Variants in MYO3B observed in about 807,000 individuals in gnomAD.
MYO3B encodes the protein myosin IIIB.
Under a neutral mutation model 174.6 loss-of-function variants are expected in MYO3B, and 156 were observed. The ratio of observed to expected loss-of-function variants is 0.89; its 90% CI spans 0.78 to 1.02. The LOEUF (loss-of-function observed/expected upper bound fraction) is 1.02. Ranked by LOEUF, MYO3B falls within the 50% of genes least tolerant of loss-of-function variation. The pLI is 0.00. For synonymous variants in MYO3B, 563 were observed against 569.1 expected, an observed-to-expected ratio of 0.99 and a Z score of 0.15; for missense variants, 1,632 against 1,639.4, an observed-to-expected ratio of 1.00 and a Z score of 0.08.
In MYO3B at chr2:170,383,793, G is replaced by T. The variant is rs1322878799; in HGVS notation, c.1269G>T (p.Met423Ile). The change falls in exon 12 of 35, where the codon ATG (methionine) becomes ATT (isoleucine). Residue 423 changes from methionine to isoleucine, a missense_variant. Physicochemically the swap from Met to Ile is conservative, Grantham distance 10 (BLOSUM62 1). Coordinates refer to ENST00000408978, the MANE Select transcript of MYO3B (RefSeq NM_138995.5). ...CAGCAGATGCTGCTTACCAGTGCATGGTTACTCTCAGCAAAGACCAGGTAA... is the reference window on the plus strand; with the variant it reads ...CAGCAGATGCTGCTTACCAGTGCATTGTTACTCTCAGCAAAGACCAGGTAA... ...FASADAAYQC[M>I]VTLSKDQCIV... The T allele has an allele frequency of 6.2e-7, 1 of 1,613,540 alleles. No homozygotes were observed.
At chr2:170,254,883 C>T (rs578100329) in intron 7 of MYO3B, among the ~76,000 whole-genome samples, 5 of 152,320 alleles carry the variant, frequency 3.3e-5, no homozygotes, top group Non-Finnish European at 5.9e-5. Context: ...CACCTGGAAT[C>T]GTGCAGCAAT....
At chr2:170,288,249 A>G (rs1325139659) in intron 7 of MYO3B, among the ~76,000 whole-genome samples, 1 of 144,952 alleles carries the variant, frequency 6.9e-6, no homozygotes, top group Non-Finnish European at 1.5e-5. Context: ...TTTTTTTTCT[A>G]TTTCTGTGAA....
intron 28 of MYO3B, among the ~76,000 whole-genome samples, chr2:170,505,705 TG>T (rs1266346188): frequency 6.6e-6 from 1 of 152,238 alleles, no homozygotes; most frequent in African/African-American, 2.4e-5. Context: ...ATTCAGGATA[TG>T]TGTTTTAGAT....
chr2:170,396,699 G>A (rs78228990), intron 16 of MYO3B, among the ~76,000 whole-genome samples: 4,086 of 152,172 alleles, frequency 0.027, 197 homozygotes, highest in African/African-American at 0.091. Flanking sequence ...GAGAAGCAAC[G>A]GGGCAAGATG....
intron 8 of MYO3B, among the ~76,000 whole-genome samples, chr2:170,338,455 C>T (rs949769831): frequency 2.0e-5 from 3 of 152,112 alleles, no homozygotes; most frequent in African/African-American, 7.2e-5. Flanking sequence ...GCCCTCCAAT[C>T]CTGTTTTCCC....
chr2:170,214,528 T>G lies in MYO3B; in HGVS notation c.426+45T>G, dbSNP rs369325647. 7.4e-5 allele frequency: 117 copies of G among 1,573,266 alleles called. 1 individual carries two copies. The African/African-American group carries it at 1.4e-3, about 19-fold the overall frequency. Reference sequence around the variant, plus strand: ...GGGGTATGACAGCAGATGGGATGGTTTGTTCATTGCTTGGGTCCTTATTGC... The same window carrying G: ...GGGGTATGACAGCAGATGGGATGGTGTGTTCATTGCTTGGGTCCTTATTGC... On this transcript the variant is annotated intron_variant, in intron 4 of 34. Coordinates refer to ENST00000408978, the MANE Select transcript of MYO3B (RefSeq NM_138995.5).
At chr2:170,557,789 A>G (rs1004176632) in intron 32 of MYO3B, among the ~76,000 whole-genome samples, 2 of 152,156 alleles carry the variant, frequency 1.3e-5, no homozygotes, top group Non-Finnish European at 2.9e-5. Context: ...GGTTCAGATA[A>G]GCTTACTCCA....
chr2:170,625,803 C>T (rs1170782718), intron 32 of MYO3B, among the ~76,000 whole-genome samples: 2 of 152,180 alleles, frequency 1.3e-5, no homozygotes, highest in African/African-American at 2.4e-5. Context: ...GCCTTCATTT[C>T]GTTATGTACC....
chr2:170,617,424 T>C (rs909054313), intron 32 of MYO3B, among the ~76,000 whole-genome samples: 4 of 152,240 alleles, frequency 2.6e-5, no homozygotes, highest in African/African-American at 9.6e-5. Context: ...TTTGAACTAA[T>C]ATGCAACTTT....
chr2:170,580,498 T>A lies in MYO3B; in HGVS notation c.3733+36510T>A, dbSNP rs191014422. ...ACTAAAAATACAAAAATCAGCTGGG[T>A]GTGGTGGCACATGCCTGTAATCCCA... On this transcript the variant is annotated intron_variant, in intron 32 of 34. Coordinates refer to ENST00000408978, the MANE Select transcript of MYO3B (RefSeq NM_138995.5). Among the ~76,000 whole-genome samples the A allele has an allele frequency of 1.2e-3, 179 of 152,022 alleles. 1 individual carries two copies. Among genetic ancestry groups the A allele is most frequent in the African/African-American group, 4.1e-3 (172 of 41,466 alleles).
chr2:170,362,525 G>C (rs1479860075), intron 8 of MYO3B, among the ~76,000 whole-genome samples: 1 of 152,202 alleles, frequency 6.6e-6, no homozygotes, highest in Non-Finnish European at 1.5e-5. Flanking sequence ...ATTTCAAAGG[G>C]AGACTCAGCT....
intron 32 of MYO3B, among the ~76,000 whole-genome samples, chr2:170,614,654 A>G (rs759307400): frequency 2.0e-5 from 3 of 152,166 alleles, no homozygotes; most frequent in Non-Finnish European, 4.4e-5. Flanking sequence ...CTGAGATCCC[A>G]TATTTCTGAC....
At chr2:170,356,173 G>C (rs575566600) in intron 8 of MYO3B, among the ~76,000 whole-genome samples, 1 of 152,024 alleles carries the variant, frequency 6.6e-6, no homozygotes, top group African/African-American at 2.4e-5. Flanking sequence ...GTGTTGGCCA[G>C]GATGGTCTCA....
chr2:170,508,924 A>G (rs778307835), intron 28 of MYO3B, among the ~76,000 whole-genome samples: 3 of 152,226 alleles, frequency 2.0e-5, no homozygotes, highest in Non-Finnish European at 4.4e-5. Flanking sequence ...TATGCAAAGC[A>G]TCCTGCACAG....
chr2:170,277,652 G>A (rs35692494), intron 7 of MYO3B, among the ~76,000 whole-genome samples: 4 of 152,042 alleles, frequency 2.6e-5, no homozygotes, highest in Non-Finnish European at 5.9e-5. Flanking sequence ...CTGAGGACTA[G>A]GAATTTGTTT....
intron 23 of MYO3B, among the ~76,000 whole-genome samples, chr2:170,446,161 G>C (rs568832597): frequency 6.6e-6 from 1 of 152,346 alleles, no homozygotes; most frequent in African/African-American, 2.4e-5. Flanking sequence ...AAGCATTGCA[G>C]ATATTGACTT....
At chr2:170,571,237 T>C (rs769911900) in intron 32 of MYO3B, among the ~76,000 whole-genome samples, 4 of 152,172 alleles carry the variant, frequency 2.6e-5, no homozygotes, top group Non-Finnish European at 5.9e-5. Flanking sequence ...GAAATATGAA[T>C]GATTCTGTAC....
intron 3 of MYO3B, among the ~76,000 whole-genome samples, chr2:170,200,560 C>T (rs1425722888): frequency 6.6e-6 from 1 of 152,194 alleles, no homozygotes; most frequent in Non-Finnish European, 1.5e-5. Context: ...TAATTTTCTT[C>T]CCTAACATTT....
At chr2:170,630,022 G>A (rs1575292186) in intron 32 of MYO3B, among the ~76,000 whole-genome samples, 1 of 152,316 alleles carries the variant, frequency 6.6e-6, no homozygotes, top group Non-Finnish European at 1.5e-5. Context: ...TGCATTTCCA[G>A]CTGAGGTACC....
Sources: allele counts gnomAD v4.1 joint callset (sites outside exome capture counted in the v4.1 genomes callset), GRCh38; gene constraint gnomAD v4.1.1; transcripts MANE v1.5; gene names NCBI Gene and HGNC (gene_info 2026-07-23, HGNC 2026-07-21).